Variants in CEP112 observed in about 807,000 individuals in gnomAD.
CEP112 encodes the protein centrosomal protein of 112 kDa.
Under a neutral mutation model 153.0 loss-of-function variants are expected in CEP112, and 127 were observed. That is an observed-to-expected ratio of 0.83 (90% CI 0.72 to 0.96). The LOEUF (loss-of-function observed/expected upper bound fraction) is 0.96, where lower values mean the gene tolerates loss of function less well. CEP112 is among the 40% of genes least tolerant of loss of function. CEP112 has a pLI of 0.00. For missense variants in CEP112, 1,089 were observed against 1,101.2 expected, an observed-to-expected ratio of 0.99 and a Z score of 0.16; for synonymous variants, 358 against 374.4, an observed-to-expected ratio of 0.96 and a Z score of 0.51.
intron 21 of CEP112, among the ~76,000 whole-genome samples, chr17:65,822,971 T>TA (rs1196076287): frequency 2.0e-5 from 3 of 152,080 alleles, no homozygotes; most frequent in Admixed American, 2.0e-4. Context: ...GAATTGAAGA[T>TA]AAAATCATGA....
chr17:65,803,337 T>C (rs2055391200), intron 21 of CEP112, among the ~76,000 whole-genome samples: 1 of 152,250 alleles, frequency 6.6e-6, no homozygotes, highest in Admixed American at 6.5e-5. Flanking sequence ...TTTGTGGTGA[T>C]TTTGTTATAC....
intron 16 of CEP112, among the ~76,000 whole-genome samples, chr17:66,025,553 C>T (rs896404451): frequency 3.3e-5 from 5 of 152,004 alleles, no homozygotes; most frequent in African/African-American, 1.2e-4. Context: ...TGAAAAAATG[C>T]TTAACATCAC....
intron 17 of CEP112, among the ~76,000 whole-genome samples, chr17:65,978,357 T>TA (rs767095640): frequency 4.6e-5 from 7 of 152,204 alleles, no homozygotes; most frequent in African/African-American, 9.7e-5. Flanking sequence ...TTTGGTGACA[T>TA]AAAGGTAAAC....
chr17:65,704,723 T>A (rs184565610), intron 23 of CEP112, among the ~76,000 whole-genome samples: 1 of 152,240 alleles, frequency 6.6e-6, no homozygotes, highest in Admixed American at 6.5e-5. Context: ...TGAGCCTGCC[T>A]CTCACACCTC....
At chr17:66,021,177 C>T (rs1056788484) in intron 16 of CEP112, among the ~76,000 whole-genome samples, 2 of 152,116 alleles carry the variant, frequency 1.3e-5, no homozygotes, top group African/African-American at 4.8e-5. Context: ...TTGTCCCAGA[C>T]CTGGGACCCA....
intron 8 of CEP112, among the ~76,000 whole-genome samples, chr17:66,078,439 G>A (rs2067591110): frequency 1.3e-5 from 2 of 151,650 alleles, no homozygotes; most frequent in South Asian, 2.1e-4. Flanking sequence ...TGTATTTTTA[G>A]TAGAGACGGG....
Position 65,724,309 on chromosome 17 carries a change from C to T in CEP112, c.2607+18759G>A, listed in dbSNP as rs545709390. Among the ~76,000 whole-genome samples the T allele has an allele frequency of 2.0e-5, 3 of 151,650 alleles. No homozygotes were observed. The South Asian group carries it at 6.2e-4, about 31-fold the overall frequency. On this transcript the variant is annotated intron_variant, in intron 23 of 26. Transcript: ENST00000535342. ...ACTTGAAAAACATGATATATGTGTA[C>T]TACTAGGTTTATTTTGCTTAATTTA...
chr17:65,738,417 A>C (rs1723108160), intron 23 of CEP112, among the ~76,000 whole-genome samples: 1 of 152,066 alleles, frequency 6.6e-6, no homozygotes, highest in South Asian at 2.1e-4. Flanking sequence ...CCTCTGTTTT[A>C]CTCTAGTTTC....
At chr17:65,667,491 A>G in intron 24 of CEP112, among the ~76,000 whole-genome samples, 1 of 152,236 alleles carries the variant, frequency 6.6e-6, no homozygotes. Flanking sequence ...GCAAAAAAAT[A>G]TATATTATTT....
chr17:65,947,421 A>G (rs2144577872), intron 18 of CEP112, among the ~76,000 whole-genome samples: 1 of 152,274 alleles, frequency 6.6e-6, no homozygotes, highest in Non-Finnish European at 1.5e-5. Flanking sequence ...CTGGCCAGTA[A>G]GTCAATAAAA....
chr17:65,969,156 A>C (rs1009315462), intron 17 of CEP112, among the ~76,000 whole-genome samples: 1 of 150,508 alleles, frequency 6.6e-6, no homozygotes, highest in Non-Finnish European at 1.5e-5. Context: ...ATCTCGGCTA[A>C]CTACAACCTC....
At chr17:65,931,223 C>A (rs1205278957) in intron 18 of CEP112, among the ~76,000 whole-genome samples, 1 of 152,240 alleles carries the variant, frequency 6.6e-6, no homozygotes, top group Non-Finnish European at 1.5e-5. Flanking sequence ...CAGTCTATCT[C>A]ATAGAAATCC....
At chr17:65,681,343 C>G (rs2047513050) in intron 24 of CEP112, among the ~76,000 whole-genome samples, 1 of 152,024 alleles carries the variant, frequency 6.6e-6, no homozygotes, top group African/African-American at 2.4e-5. Flanking sequence ...TGTGACCCTG[C>G]CTACCAATCT....
chr17:65,778,652 TA>T (rs2053827360), intron 21 of CEP112, among the ~76,000 whole-genome samples: 1 of 152,160 alleles, frequency 6.6e-6, no homozygotes, highest in Non-Finnish European at 1.5e-5. Context: ...AGCTTTTAGA[TA>T]AAAAGATGGC....
chr17:66,107,972 G>A (rs1210186184), intron 6 of CEP112, among the ~76,000 whole-genome samples: 1 of 152,070 alleles, frequency 6.6e-6, no homozygotes, highest in African/African-American at 2.4e-5. Flanking sequence ...GAGTAGGATA[G>A]AGAACCCAGA....
chr17:66,169,153 T>C (rs2072127711), intron 4 of CEP112, among the ~76,000 whole-genome samples: 1 of 152,132 alleles, frequency 6.6e-6, no homozygotes, highest in Non-Finnish European at 1.5e-5. Context: ...GATTAAATTA[T>C]AGTATATCCA....
At position 65,635,865 on chromosome 17, in the gene CEP112, A is replaced by C; in HGVS notation, c.*106T>G. On this transcript the variant is annotated 3_prime_UTR_variant, in exon 27 of 27. Coordinates refer to ENST00000535342, the MANE Select transcript of CEP112 (RefSeq NM_001199165.4). The stretch of plus-strand genomic sequence containing the variant: ...GATCTTAATTACATTTAAGGATTTA[A>C]AAAATGCCACTGATCTCACAGTTTA... 8.3e-7 allele frequency: 1 copy of C among 1,207,746 alleles called. No homozygotes were observed. 74.8% of individuals were successfully genotyped at this position (1,207,746 alleles called of 1,614,324 possible).
chr17:66,037,816 A>T (rs894959351), intron 12 of CEP112, among the ~76,000 whole-genome samples: 3 of 152,138 alleles, frequency 2.0e-5, no homozygotes, highest in African/African-American at 7.2e-5. Context: ...CTGAGGCCAA[A>T]CTTTACTGGT....
chr17:65,726,440 A>C (rs1008361084), intron 23 of CEP112, among the ~76,000 whole-genome samples: 2 of 152,134 alleles, frequency 1.3e-5, no homozygotes, highest in Non-Finnish European at 2.9e-5. Flanking sequence ...GAGGGAGATA[A>C]GACCTTGAGA....
Sources: allele counts gnomAD v4.1 joint callset (sites outside exome capture counted in the v4.1 genomes callset), GRCh38; gene constraint gnomAD v4.1.1; transcripts MANE v1.5; gene names NCBI Gene and HGNC (gene_info 2026-07-23, HGNC 2026-07-21).